EFCAB11: variants seen among roughly 807,000 people sequenced by gnomAD.
EFCAB11 encodes EF-hand calcium binding domain 11, also known as EF-hand calcium-binding domain-containing protein 11.
In EFCAB11, 14 loss-of-function variants were observed where a neutral mutation model predicts 23.0. That is an observed-to-expected ratio of 0.61 (90% CI 0.40 to 0.95). The LOEUF is 0.95. Ranked by LOEUF, EFCAB11 falls within the 40% of genes least tolerant of loss-of-function variation. EFCAB11 has a pLI of 0.00. For missense variants in EFCAB11, 198 were observed against 195.8 expected (o/e 1.01, Z -0.07); for synonymous variants, 65 against 66.6 (o/e 0.98, Z 0.11).
chr14:89,932,456 G>T, intron 4 of EFCAB11, 70 bp downstream of exon 4: 1 of 1,106,056 alleles, frequency 9.0e-7, no homozygotes. Flanking sequence ...TGATTTACTG[G>T]GTATATAATC....
chr14:89,886,863 G>C (rs1043276867), intron 5 of EFCAB11, among the ~76,000 whole-genome samples: 4 of 152,048 alleles, frequency 2.6e-5, no homozygotes, highest in Admixed American at 1.3e-4. Flanking sequence ...AATTTAATCA[G>C]GCTTAGAGAT....
chr14:89,917,490 C>T (rs1889887962), intron 5 of EFCAB11, among the ~76,000 whole-genome samples: 1 of 152,174 alleles, frequency 6.6e-6, no homozygotes, highest in African/African-American at 2.4e-5. Flanking sequence ...TCCATTCATC[C>T]AGTGGTGGGC....
intron 5 of EFCAB11, among the ~76,000 whole-genome samples, chr14:89,835,644 T>TGTGTGTGTGTGTGTGTGTGTGTG (rs1223325732): frequency 1.2e-4 from 7 of 57,924 alleles, no homozygotes; most frequent in East Asian, 5.1e-4. Context: ...GTGTGTGTGT[T>TGTGTGTGTGTGTGTGTGTGTGTG]TGAGACGTTG....
intron 5 of EFCAB11, among the ~76,000 whole-genome samples, chr14:89,851,092 G>T (rs543755346): frequency 2.0e-5 from 3 of 152,178 alleles, no homozygotes; most frequent in African/African-American, 7.2e-5. Flanking sequence ...CCCTTGGAAG[G>T]TTACAGTAAA....
chr14:89,939,690 T>C (rs888342158), intron 3 of EFCAB11, among the ~76,000 whole-genome samples: 2 of 152,182 alleles, frequency 1.3e-5, no homozygotes, highest in Admixed American at 6.5e-5. Flanking sequence ...TAATATAACA[T>C]CTGGCCGTAA....
intron 2 of EFCAB11, among the ~76,000 whole-genome samples, chr14:89,950,537 A>T (rs1278554717): frequency 6.6e-6 from 1 of 152,150 alleles, no homozygotes; most frequent in African/African-American, 2.4e-5. Context: ...AAAGTATCAC[A>T]TGATTGATGT....
chr14:89,953,012 A>T (rs1891231172), intron 2 of EFCAB11, among the ~76,000 whole-genome samples: 2 of 152,242 alleles, frequency 1.3e-5, no homozygotes, highest in African/African-American at 4.8e-5. Context: ...TGCCCTACTC[A>T]AGCAGGAGGT....
chr14:89,896,767 T>A (rs1466097815), intron 5 of EFCAB11, among the ~76,000 whole-genome samples: 1 of 152,210 alleles, frequency 6.6e-6, no homozygotes, highest in Non-Finnish European at 1.5e-5. Context: ...CATAGCTCAC[T>A]GAAGCCTCAA....
At chr14:89,814,634 GT>G (rs1566768617) in intron 5 of EFCAB11, among the ~76,000 whole-genome samples, 1 of 151,930 alleles carries the variant, frequency 6.6e-6, no homozygotes, top group Admixed American at 6.6e-5. Flanking sequence ...AACCTGGGAG[GT>G]GGAGGTTGTG....
chr14:89,834,375 CAAAAAAAAAA>C (rs5810476), intron 5 of EFCAB11, among the ~76,000 whole-genome samples: 12 of 32,436 alleles, frequency 3.7e-4, no homozygotes, highest in African/African-American at 7.9e-4. Flanking sequence ...GACTCCGTCT[CAAAAAAAAAA>C]AAAAAAAAAA....
At chr14:89,890,008 T>G (rs145026952) in intron 5 of EFCAB11, among the ~76,000 whole-genome samples, 1 of 152,346 alleles carries the variant, frequency 6.6e-6, no homozygotes, top group Non-Finnish European at 1.5e-5. Flanking sequence ...AATCATCAAA[T>G]CTAGCGTTGG....
At chr14:89,919,572 C>T (rs1889959644) in intron 5 of EFCAB11, among the ~76,000 whole-genome samples, 1 of 152,026 alleles carries the variant, frequency 6.6e-6, no homozygotes, top group South Asian at 2.1e-4. Context: ...CCACCGGTAA[C>T]CAGTCCTGGG....
intron 5 of EFCAB11, among the ~76,000 whole-genome samples, chr14:89,920,499 C>T (rs1246357803): frequency 6.6e-6 from 1 of 152,214 alleles, no homozygotes; most frequent in African/African-American, 2.4e-5. Context: ...CGGTTTGAAT[C>T]TTGGTTCCAT....
At chr14:89,881,452 C>CATATATATATATATATATAT (rs10530483) in intron 5 of EFCAB11, among the ~76,000 whole-genome samples, 636 of 46,730 alleles carry the variant, frequency 0.014, 103 homozygotes, top group Middle Eastern at 0.022. Flanking sequence ...TATGACTTGG[C>CATATATATATATATATATAT]ATATATATAT....
chr14:89,924,662 T>C (rs772803631), intron 5 of EFCAB11: 1 of 1,535,714 alleles, frequency 6.5e-7, no homozygotes. Context: ...AGTTAAATCA[T>C]GCACTGAAAA....
At chr14:89,866,673 T>C (rs1485873177) in intron 5 of EFCAB11, among the ~76,000 whole-genome samples, 1 of 152,224 alleles carries the variant, frequency 6.6e-6, no homozygotes, top group Non-Finnish European at 1.5e-5. Flanking sequence ...CATGTCTCCC[T>C]CAGAGAAGCC....
At chr14:89,818,803 T>C (rs1886416226) in intron 5 of EFCAB11, among the ~76,000 whole-genome samples, 1 of 152,156 alleles carries the variant, frequency 6.6e-6, no homozygotes, top group South Asian at 2.1e-4. Context: ...ATTACAAAAA[T>C]ACTGACTGAA....
chr14:89,869,631 C>G (rs1217417288), intron 5 of EFCAB11, among the ~76,000 whole-genome samples: 3 of 152,200 alleles, frequency 2.0e-5, no homozygotes, highest in Non-Finnish European at 1.5e-5. Flanking sequence ...GTGACTTCGC[C>G]TCTTTCTAGG....
chr14:89,896,382 T>C (rs1041248982), intron 5 of EFCAB11, among the ~76,000 whole-genome samples: 2 of 150,906 alleles, frequency 1.3e-5, no homozygotes, highest in Non-Finnish European at 2.9e-5. Flanking sequence ...AGAGCGAGAC[T>C]CTGTCTCAAA....
Sources: gnomAD v4.1 joint callset for allele counts (sites outside exome capture counted in the v4.1 genomes callset) on GRCh38, gnomAD v4.1.1 for gene constraint, MANE v1.5 for transcripts, NCBI Gene and HGNC (gene_info 2026-07-23, HGNC 2026-07-21) for gene names.